Variants in CDH2 observed in about 807,000 individuals in gnomAD.
CDH2 encodes cadherin-2.
A neutral mutation model predicts 92.0 loss-of-function variants in CDH2; 17 were observed. That is an observed-to-expected ratio of 0.18 (90% CI 0.13 to 0.28). The LOEUF is 0.28. CDH2 is among the 10% of genes least tolerant of loss of function. The pLI is 1.00. For missense variants in CDH2, 862 were observed against 1,133.1 expected (o/e 0.76, Z 3.44); for synonymous variants, 419 against 415.9 (o/e 1.01, Z -0.09).
chr18:27,955,659 A>T (rs966578885), intron 15 of CDH2, among the ~76,000 whole-genome samples: 1 of 151,326 alleles, frequency 6.6e-6, no homozygotes, highest in Non-Finnish European at 1.5e-5. Flanking sequence ...TCCCATATCC[A>T]CTATTGAGAG....
intron 2 of CDH2, among the ~76,000 whole-genome samples, chr18:28,015,381 T>C (rs544941006): frequency 1.3e-5 from 2 of 152,326 alleles, no homozygotes; most frequent in African/African-American, 4.8e-5. Flanking sequence ...ATGTTTGTCT[T>C]TGGAGTAGAA....
At chr18:28,040,873 T>C (rs1009199422) in intron 2 of CDH2, among the ~76,000 whole-genome samples, 1 of 152,222 alleles carries the variant, frequency 6.6e-6, no homozygotes, top group Non-Finnish European at 1.5e-5. Context: ...TGGATGTTTA[T>C]GCCAGACACA....
At chr18:28,116,245 A>G (rs910755745) in intron 2 of CDH2, among the ~76,000 whole-genome samples, 1 of 152,176 alleles carries the variant, frequency 6.6e-6, no homozygotes, top group Non-Finnish European at 1.5e-5. Flanking sequence ...TTTTCAATCC[A>G]TATGGCCTGG....
intron 2 of CDH2, among the ~76,000 whole-genome samples, chr18:28,055,522 C>G (rs909433403): frequency 8.6e-5 from 13 of 152,024 alleles, no homozygotes; most frequent in African/African-American, 3.1e-4. Flanking sequence ...TGGAGACTGG[C>G]AAATGAAAAA....
At chr18:28,053,789 GC>G (rs2014239494) in intron 2 of CDH2, among the ~76,000 whole-genome samples, 1 of 152,092 alleles carries the variant, frequency 6.6e-6, no homozygotes, top group South Asian at 2.1e-4. Context: ...GACTATTGGT[GC>G]CCAGTGTGGC....
At chr18:28,086,177 T>C (rs1240228616) in intron 2 of CDH2, among the ~76,000 whole-genome samples, 1 of 152,154 alleles carries the variant, frequency 6.6e-6, no homozygotes. Flanking sequence ...GTTGATACAA[T>C]TAAGAAAATG....
chr18:28,159,314 G>C (rs1200689139), intron 1 of CDH2: 1 of 152,348 alleles, frequency 6.6e-6, no homozygotes, highest in East Asian at 1.9e-4. Context: ...GGAAGGAAGT[G>C]GGCATGTCTT....
chr18:28,044,754 C>T (rs999972618), intron 2 of CDH2, among the ~76,000 whole-genome samples: 7 of 146,946 alleles, frequency 4.8e-5, no homozygotes, highest in Middle Eastern at 3.4e-3. Flanking sequence ...ATGTTTTCAA[C>T]TTCTCTAAGC....
At chr18:28,146,119 T>G (rs1485840722) in intron 2 of CDH2, 3 of 152,132 alleles carry the variant, frequency 2.0e-5, no homozygotes, top group Admixed American at 2.0e-4. Context: ...TAATTAATCT[T>G]AAATCAATGG....
intron 14 of CDH2, among the ~76,000 whole-genome samples, chr18:27,964,172 T>G (rs1304535842): frequency 1.3e-5 from 2 of 152,222 alleles, no homozygotes; most frequent in African/African-American, 4.8e-5. Context: ...AAAAGTTTGC[T>G]GACCTCTGGT....
intron 14 of CDH2, among the ~76,000 whole-genome samples, chr18:27,969,184 A>C (rs2011600093): frequency 6.6e-6 from 1 of 152,204 alleles, no homozygotes; most frequent in African/African-American, 2.4e-5. Context: ...AATTTGCTAA[A>C]AGCTTTTTCT....
At chr18:28,101,909 C>A (rs1029116410) in intron 2 of CDH2, among the ~76,000 whole-genome samples, 1 of 152,080 alleles carries the variant, frequency 6.6e-6, no homozygotes, top group Non-Finnish European at 1.5e-5. Flanking sequence ...TAACCACTTG[C>A]GCACCTGTTT....
At chr18:28,003,787 A>C (rs1314468208) in intron 6 of CDH2, among the ~76,000 whole-genome samples, 7 of 152,238 alleles carry the variant, frequency 4.6e-5, no homozygotes, top group Non-Finnish European at 8.8e-5. Context: ...TAGAGACTTC[A>C]ATTTATTAGA....
Position 27,964,333 on chromosome 18 carries a change from T to C in CDH2, c.2350-812A>G, listed in dbSNP as rs77508531. On this transcript the variant is annotated intron_variant, in intron 14 of 15. Transcript: ENST00000269141. ...CCATAGGTTGGGCCCTCAGAACTATTTTTAGCTCAGACATCTGGACAGGAA... is the reference window on the plus strand; with the variant it reads ...CCATAGGTTGGGCCCTCAGAACTATCTTTAGCTCAGACATCTGGACAGGAA... Among the ~76,000 whole-genome samples, 76 of 152,344 alleles carry C rather than the reference T, an allele frequency of 5.0e-4. No homozygotes were observed. The East Asian group carries it at 0.013, about 27-fold the overall frequency.
At chr18:28,174,585 T>G (rs1250273774) in intron 1 of CDH2, among the ~76,000 whole-genome samples, 2 of 152,160 alleles carry the variant, frequency 1.3e-5, no homozygotes, top group African/African-American at 4.8e-5. Context: ...TAGAAGAAAC[T>G]GAGAAAGAAC....
At chr18:27,933,977 ATAAAT>A (rs1289146570) in intron 6 of CDH2, among the ~76,000 whole-genome samples, 5 of 152,232 alleles carry the variant, frequency 3.3e-5, no homozygotes, top group Non-Finnish European at 4.4e-5. Flanking sequence ...CTGAAATAAC[ATAAAT>A]TAAAGAAAGA....
intron 2 of CDH2, among the ~76,000 whole-genome samples, chr18:28,021,945 A>C (rs1010163908): frequency 2.9e-4 from 44 of 152,166 alleles, no homozygotes; most frequent in African/African-American, 1.0e-3. Context: ...AGTGTTAACA[A>C]AAGTTTCTTT....
chr18:28,098,399 G>T (rs958805465), intron 2 of CDH2, among the ~76,000 whole-genome samples: 1 of 152,140 alleles, frequency 6.6e-6, no homozygotes, highest in Admixed American at 6.5e-5. Context: ...GCTCCTAGAA[G>T]AAATGCAAAG....
chr18:28,166,149 C>CATATATATACATATAT lies in CDH2; in HGVS notation c.60+10813_60+10814insATATATGTATATATAT, dbSNP rs1555648242. On this transcript the variant is annotated intron_variant, in intron 1 of 15. Transcript: ENST00000269141. ...CAAAGAGGAGTAATTCAGACACACT[C>CATATATATACATATAT]ATATATATATATATATATATATATG... is the stretch of plus-strand genomic sequence containing the variant. Among the ~76,000 whole-genome samples, 7 of 59,278 alleles carry CATATATATACATATAT rather than the reference C, an allele frequency of 1.2e-4. No individual in the cohort carries two copies. The East Asian group carries it at 3.1e-3, about 26-fold the overall frequency. 38.9% of individuals were successfully genotyped at this position (59,278 alleles called of 152,430 possible). A position where few individuals can be genotyped will look rare whatever the true frequency, so the allele number is the denominator to read the frequency against.
Sources: gnomAD v4.1 joint callset for allele counts (sites outside exome capture counted in the v4.1 genomes callset) on GRCh38, gnomAD v4.1.1 for gene constraint, MANE v1.5 for transcripts, NCBI Gene and HGNC (gene_info 2026-07-23, HGNC 2026-07-21) for gene names.